THSD4: variants seen among roughly 807,000 people sequenced by gnomAD.
THSD4 encodes the protein thrombospondin type 1 domain containing 4.
A neutral mutation model predicts 119.0 loss-of-function variants in THSD4; 69 were observed. The observed-to-expected ratio is 0.58, with a 90% CI of 0.48 to 0.71. THSD4 has a LOEUF of 0.71. THSD4 is among the 30% of genes least tolerant of loss of function. THSD4 has a pLI of 0.00. For missense variants in THSD4, 1,393 were observed against 1,391.1 expected (o/e 1.00, Z -0.02); for synonymous variants, 524 against 540.4 (o/e 0.97, Z 0.42).
rs1408037752 is a variant in THSD4 at position 71,773,205 on chromosome 15, A to C, written c.2914+1997A>C. ...GACAGAGTGAGACCATGTCTCAAAAAAAAAAAAAAAGAAAAAGAAAAAAGA... is the reference window on the plus strand; with the variant it reads ...GACAGAGTGAGACCATGTCTCAAAACAAAAAAAAAAGAAAAAGAAAAAAGA... On this transcript the variant is annotated intron_variant, in intron 17 of 17. Coordinates refer to ENST00000261862, the MANE Select transcript of THSD4 (RefSeq NM_024817.3). 1.3e-4 allele frequency among the ~76,000 whole-genome samples: 18 copies of C among 134,942 alleles called. No homozygotes were observed. The East Asian group carries it at 3.5e-3, about 27-fold the overall frequency. The allele number at this position is 134,942 out of a possible 152,430, so 88.5% of individuals were successfully genotyped here.
Position 71,134,693 on chromosome 15 carries a change from G to A in THSD4, c.-79-6756G>A, listed in dbSNP as rs373933250. On this transcript the variant is annotated intron_variant, in intron 1 of 17. Transcript: ENST00000261862. ...CTTTAAGAAGCTTCCCTGAGGAATC[G>A]CCACACTGACTTCCACAATGGTTGA... Among the ~76,000 whole-genome samples, 375 of 152,318 alleles carry A rather than the reference G, an allele frequency of 2.5e-3. 4 individuals carry two copies. The highest frequency in any genetic ancestry group is 8.6e-3 in the African/African-American group (356 of 41,570).
chr15:71,517,610 TAA>T (rs2048379340), intron 7 of THSD4, among the ~76,000 whole-genome samples: 1 of 152,232 alleles, frequency 6.6e-6, no homozygotes, highest in South Asian at 2.1e-4. Context: ...CAAGATGTGA[TAA>T]GTCTCACTGG....
intron 3 of THSD4, among the ~76,000 whole-genome samples, chr15:71,157,990 G>T (rs1288772140): frequency 1.3e-5 from 2 of 151,716 alleles, no homozygotes; most frequent in Non-Finnish European, 2.9e-5. Context: ...ATTTCCTTTG[G>T]ATATATATGC....
intron 7 of THSD4, among the ~76,000 whole-genome samples, chr15:71,437,815 AACAC>A (rs1483363494): frequency 6.6e-6 from 1 of 152,238 alleles, no homozygotes; most frequent in Admixed American, 6.5e-5. Flanking sequence ...TGAAACAACT[AACAC>A]ATCCATCAGC....
chr15:71,298,351 A>G (rs1371520655), intron 6 of THSD4, among the ~76,000 whole-genome samples: 1 of 152,138 alleles, frequency 6.6e-6, no homozygotes, highest in Non-Finnish European at 1.5e-5. Flanking sequence ...TTTGTAGCAC[A>G]TTTTATATCA....
chr15:71,208,869 G>C (rs1444329992), intron 3 of THSD4, among the ~76,000 whole-genome samples: 3 of 152,110 alleles, frequency 2.0e-5, no homozygotes, highest in Non-Finnish European at 4.4e-5. Flanking sequence ...ACTATTTAGA[G>C]AGGCACCATA....
At chr15:71,132,449 A>C (rs541160580) in intron 1 of THSD4, among the ~76,000 whole-genome samples, 1 of 152,248 alleles carries the variant, frequency 6.6e-6, no homozygotes, top group Non-Finnish European at 1.5e-5. Context: ...TGTTTTGTAG[A>C]AATAGTATAT....
At chr15:71,294,855 C>A (rs774889667) in intron 6 of THSD4, among the ~76,000 whole-genome samples, 1 of 149,868 alleles carries the variant, frequency 6.7e-6, no homozygotes, top group Non-Finnish European at 1.5e-5. Flanking sequence ...TTTGATGCGT[C>A]GGTGGTCACT....
intron 7 of THSD4, among the ~76,000 whole-genome samples, chr15:71,459,321 A>G (rs931051804): frequency 2.2e-5 from 3 of 138,482 alleles, no homozygotes; most frequent in Non-Finnish European, 3.1e-5. Flanking sequence ...ACCATGCCCA[A>G]CTATCTCTCT....
intron 7 of THSD4, among the ~76,000 whole-genome samples, chr15:71,632,545 G>C (rs1425585089): frequency 6.6e-6 from 1 of 152,252 alleles, no homozygotes; most frequent in Non-Finnish European, 1.5e-5. Flanking sequence ...CATGACCAGA[G>C]AGTGTTGACT....
At chr15:71,195,293 A>G (rs1010987799) in intron 3 of THSD4, among the ~76,000 whole-genome samples, 1 of 152,242 alleles carries the variant, frequency 6.6e-6, no homozygotes, top group Non-Finnish European at 1.5e-5. Flanking sequence ...CAACTCTAGC[A>G]TATATAAAAA....
In THSD4 at chr15:71,511,783, C is replaced by T. The variant is rs373023025; in HGVS notation, c.1152+99960C>T. 6.6e-5 allele frequency among the ~76,000 whole-genome samples: 10 copies of T among 152,258 alleles called. No homozygotes were observed. The East Asian group carries it at 9.7e-4, about 15-fold the overall frequency. ...GCCAGCGCACCTGGGCTCCTCCTGG[C>T]GCACTGCGATTTAAAGCAAGTTATT... On this transcript the variant is annotated intron_variant, in intron 7 of 17. Transcript: ENST00000261862.
intron 7 of THSD4, among the ~76,000 whole-genome samples, chr15:71,487,473 A>G (rs1349977076): frequency 6.6e-6 from 1 of 152,218 alleles, no homozygotes; most frequent in Non-Finnish European, 1.5e-5. Flanking sequence ...CGGGATATAT[A>G]AAAGATTTTA....
Position 71,242,746 on chromosome 15 carries a change from A to T in THSD4, c.562A>T (p.Arg188Trp), listed in dbSNP as rs769072441. 5.6e-6 allele frequency: 9 copies of T among 1,614,060 alleles called. No individual in the cohort carries two copies. The highest frequency in any genetic ancestry group is 6.8e-6 in the Non-Finnish European group (8 of 1,180,028). Residue 188 changes from arginine (R) to tryptophan (W), a missense_variant, in exon 5 of 18, where the codon AGG becomes TGG. Physicochemically the swap from Arg to Trp is moderately radical, Grantham distance 101. Transcript: ENST00000261862. ...GACAGACACTGCACACACGCCACAG[A>T]GGCTCCGGAGACAGAAGCTCTCATC... ...LQTDTAHTPQ[R>W]LRRQKLSSRH... is the part of the protein sequence containing the mutation.
rs77823660 is a variant in THSD4 at position 71,241,627 on chromosome 15, C to T, written c.465-1022C>T. ...GCTGGTTTTTACCTGCTCACCAGAG[C>T]TCACTGTGTCTTCACATTGGTAGCT... On this transcript the variant is annotated intron_variant, in intron 4 of 17. Coordinates refer to ENST00000261862, the MANE Select transcript of THSD4 (RefSeq NM_024817.3). Among the ~76,000 whole-genome samples, 1,426 of 152,326 alleles carry T rather than the reference C, an allele frequency of 9.4e-3. 19 individuals carry two copies. Among genetic ancestry groups the T allele is most frequent in the African/African-American group, 0.033 (1,357 of 41,574 alleles).
chr15:71,337,707 G>GCT (rs1185573036), intron 6 of THSD4, among the ~76,000 whole-genome samples: 17 of 140,176 alleles, frequency 1.2e-4, no homozygotes, highest in Admixed American at 1.4e-4. Flanking sequence ...GGAAGATGAG[G>GCT]CTCTGCCTGA....
intron 6 of THSD4, among the ~76,000 whole-genome samples, chr15:71,359,375 C>T (rs975907277): frequency 2.1e-4 from 32 of 152,192 alleles, no homozygotes; most frequent in Non-Finnish European, 4.3e-4. Context: ...ACATTACTTA[C>T]GTTATCTCAT....
intron 6 of THSD4, among the ~76,000 whole-genome samples, chr15:71,411,069 T>A (rs929181428): frequency 6.6e-6 from 1 of 152,184 alleles, no homozygotes; most frequent in African/African-American, 2.4e-5. Flanking sequence ...GTGCTCACTG[T>A]GATTGCTGAT....
chr15:71,449,301 C>T (rs1465056554), intron 7 of THSD4, among the ~76,000 whole-genome samples: 2 of 152,332 alleles, frequency 1.3e-5, no homozygotes, highest in African/African-American at 2.4e-5. Flanking sequence ...GTTTAAAACT[C>T]TTGTTCCACT....
Sources: allele counts gnomAD v4.1 joint callset (sites outside exome capture counted in the v4.1 genomes callset), GRCh38; gene constraint gnomAD v4.1.1; transcripts MANE v1.5; gene names NCBI Gene and HGNC (gene_info 2026-07-23, HGNC 2026-07-21).